PARD3: variants seen among roughly 807,000 people sequenced by gnomAD.
PARD3 encodes the protein par-3 family cell polarity regulator.
A neutral mutation model predicts 155.4 loss-of-function variants in PARD3; 75 were observed. That is an observed-to-expected ratio of 0.48 (90% CI 0.40 to 0.58). The LOEUF (loss-of-function observed/expected upper bound fraction) is 0.58. Among genes scored for constraint, PARD3 ranks in the 20% least tolerant of loss-of-function variants. PARD3 has a pLI of 0.00. For synonymous variants in PARD3, 576 were observed against 610.5 expected, an observed-to-expected ratio of 0.94 and a Z score of 0.83; for missense variants, 1,642 against 1,721.7, an observed-to-expected ratio of 0.95 and a Z score of 0.82.
intron 23 of PARD3, 59 bp from the exon 24 acceptor site, chr10:34,119,799 C>G: frequency 1.4e-6 from 2 of 1,423,386 alleles, no homozygotes; most frequent in Non-Finnish European, 1.9e-6. Flanking sequence ...GATCACACAA[C>G]TGGTTGACTC....
chr10:34,486,368 G>T (rs949515391), intron 3 of PARD3, among the ~76,000 whole-genome samples: 1 of 152,152 alleles, frequency 6.6e-6, no homozygotes, highest in Non-Finnish European at 1.5e-5. Context: ...TTGGTTAGGG[G>T]TCTTAAAATT....
rs930752921 is a variant in PARD3 at position 34,423,344 on chromosome 10, A to G, written c.715-21427T>C. On this transcript the variant is annotated intron_variant, in intron 5 of 24. Coordinates refer to ENST00000374788, the MANE Select transcript of PARD3 (RefSeq NM_001184785.2). ...GGATGGTGGGTGGGGATGTGTTGGT[A>G]AAAGTATACAAAATTTCCATTAGGA... is the stretch of plus-strand genomic sequence containing the variant. Among the ~76,000 whole-genome samples, 11 of 152,268 alleles carry G rather than the reference A, an allele frequency of 7.2e-5. No homozygotes were observed. The South Asian group carries it at 1.2e-3, about 17-fold the overall frequency.
intron 2 of PARD3, among the ~76,000 whole-genome samples, chr10:34,656,908 A>T (rs946048821): frequency 6.6e-6 from 1 of 152,224 alleles, no homozygotes; most frequent in Non-Finnish European, 1.5e-5. Flanking sequence ...AAGCTAAGGC[A>T]TGCATGCATC....
chr10:34,749,891 G>A (rs1206463188), intron 1 of PARD3, among the ~76,000 whole-genome samples: 1 of 152,076 alleles, frequency 6.6e-6, no homozygotes, highest in Non-Finnish European at 1.5e-5. Flanking sequence ...GTGTGGTGGT[G>A]TGCGCCTGTG....
intron 2 of PARD3, among the ~76,000 whole-genome samples, chr10:34,568,532 G>T (rs912216610): frequency 6.6e-6 from 1 of 152,106 alleles, no homozygotes; most frequent in African/African-American, 2.4e-5. Flanking sequence ...AATCATAGGG[G>T]TTTAATTTTT....
At chr10:34,520,475 A>G (rs1370384884) in intron 2 of PARD3, among the ~76,000 whole-genome samples, 1 of 152,218 alleles carries the variant, frequency 6.6e-6, no homozygotes, top group Admixed American at 6.5e-5. Flanking sequence ...ACACCAAAAC[A>G]TCCATATATA....
At chr10:34,363,125 G>T (rs1839614736) in intron 12 of PARD3, among the ~76,000 whole-genome samples, 1 of 152,172 alleles carries the variant, frequency 6.6e-6, no homozygotes, top group African/African-American at 2.4e-5. Flanking sequence ...TGAATCTTCA[G>T]TTGCCTTTTC....
chr10:34,521,521 C>T lies in PARD3; in HGVS notation c.223-4362G>A, dbSNP rs1454802450. 3.9e-5 allele frequency among the ~76,000 whole-genome samples: 6 copies of T among 152,168 alleles called. No individual in the cohort carries two copies. In the East Asian group the frequency reaches 1.2e-3, roughly 29 times the overall value. ...CAGATGGAATCTTCACTGCTGTCCACAAAGTAGATCATTTTGAATGTTCAT... is the reference window on the plus strand; with the variant it reads ...CAGATGGAATCTTCACTGCTGTCCATAAAGTAGATCATTTTGAATGTTCAT... On this transcript the variant is annotated intron_variant, in intron 2 of 24. Transcript: ENST00000374788.
In PARD3 at chr10:34,326,125, T is replaced by TAA. The variant is rs979390862; in HGVS notation, c.2833+4990_2833+4991dup. Among the ~76,000 whole-genome samples, 941 of 108,874 alleles carry TAA rather than the reference T, an allele frequency of 8.6e-3. 13 individuals carry two copies. The highest frequency in any genetic ancestry group is 0.029 in the African/African-American group (882 of 30,002). 71.4% of individuals were successfully genotyped at this position (108,874 alleles called of 152,430 possible). ...CTGGGCTACAGAGTGACACTCTTTC[T>TAA]AAAAAAAAAAAAAAAAAAAAGTTAG... On this transcript the variant is annotated intron_variant, in intron 19 of 24. Transcript: ENST00000374788.
At chr10:34,672,444 C>A (rs1043436122) in intron 2 of PARD3, among the ~76,000 whole-genome samples, 8 of 152,216 alleles carry the variant, frequency 5.3e-5, no homozygotes, top group Admixed American at 3.3e-4. Flanking sequence ...TCGCTGTGAT[C>A]ATGTAATCAT....
intron 15 of PARD3, chr10:34,345,980 A>G: frequency 1.0e-6 from 1 of 984,392 alleles, no homozygotes; most frequent in African/African-American, 1.7e-5. Flanking sequence ...TACAAATTGT[A>G]AAAATTATCT....
chr10:34,550,968 G>C (rs1205979445), intron 2 of PARD3, among the ~76,000 whole-genome samples: 1 of 152,094 alleles, frequency 6.6e-6, no homozygotes, highest in Non-Finnish European at 1.5e-5. Flanking sequence ...ACTTACGCAG[G>C]TCATTTTAAT....
chr10:34,772,287 C>G (rs1838982668), intron 1 of PARD3, among the ~76,000 whole-genome samples: 1 of 150,852 alleles, frequency 6.6e-6, no homozygotes, highest in Non-Finnish European at 1.5e-5. Flanking sequence ...AGCAAGGCCC[C>G]CTGTAATCCC....
At chr10:34,353,227 C>T (rs1345868377) in intron 14 of PARD3, among the ~76,000 whole-genome samples, 1 of 152,188 alleles carries the variant, frequency 6.6e-6, no homozygotes, top group Non-Finnish European at 1.5e-5. Context: ...GACCCAACAG[C>T]TCATTGAGAA....
chr10:34,687,520 G>A (rs142027971), intron 2 of PARD3, among the ~76,000 whole-genome samples: 22 of 152,092 alleles, frequency 1.4e-4, no homozygotes, highest in African/African-American at 7.2e-5. Flanking sequence ...CAGCATAAAC[G>A]TGCAAACTCT....
chr10:34,340,759 C>T (rs1836724139), intron 16 of PARD3, among the ~76,000 whole-genome samples: 1 of 152,114 alleles, frequency 6.6e-6, no homozygotes, highest in African/African-American at 2.4e-5. Flanking sequence ...CCAGACACCT[C>T]CTATCTAATA....
At chr10:34,176,539 C>T (rs1028897316) in intron 22 of PARD3, among the ~76,000 whole-genome samples, 13 of 152,140 alleles carry the variant, frequency 8.5e-5, no homozygotes, top group Admixed American at 3.9e-4. Context: ...GCATTTCCAA[C>T]GAAAATAATG....
chr10:34,678,085 A>C (rs1335742503), intron 2 of PARD3, among the ~76,000 whole-genome samples: 1 of 151,930 alleles, frequency 6.6e-6, no homozygotes, highest in East Asian at 1.9e-4. Context: ...TAATTTATTT[A>C]TTTATTGAGA....
intron 14 of PARD3, among the ~76,000 whole-genome samples, chr10:34,349,502 A>G (rs1837776032): frequency 6.7e-6 from 1 of 149,938 alleles, no homozygotes; most frequent in South Asian, 2.1e-4. Context: ...TTAAATATTC[A>G]AGGTCTCTGA....
Sources: gnomAD v4.1 joint callset for allele counts (sites outside exome capture counted in the v4.1 genomes callset) on GRCh38, gnomAD v4.1.1 for gene constraint, MANE v1.5 for transcripts, NCBI Gene and HGNC (gene_info 2026-07-23, HGNC 2026-07-21) for gene names.